SCML2: variants seen among roughly 807,000 people sequenced by gnomAD.
The protein encoded by SCML2 is sex comb on midleg-like protein 2.
SCML2 carries 6 observed loss-of-function variants against 48.4 expected under a neutral mutation model. The observed-to-expected ratio is 0.12, with a 90% CI of 0.07 to 0.24. The LOEUF is 0.24. Among genes scored for constraint, SCML2 ranks in the 10% least tolerant of loss-of-function variants. The pLI, the probability that SCML2 is intolerant of heterozygous loss-of-function variation, is 1.00. For missense variants in SCML2, 377 were observed against 528.2 expected, an observed-to-expected ratio of 0.71 and a Z score of 2.81; for synonymous variants, 181 against 189.5, an observed-to-expected ratio of 0.95 and a Z score of 0.37.
At chrX:18,281,332 T>C (rs1927838581) in intron 7 of SCML2, among the ~76,000 whole-genome samples, 1 of 112,654 alleles carries the variant, frequency 8.9e-6, no homozygotes, top group African/African-American at 3.2e-5. Context: ...TACCGAAATC[T>C]CTGGGATGCT....
At chrX:18,252,013 C>T (rs1431242524) in intron 11 of SCML2, among the ~76,000 whole-genome samples, 1 of 112,629 alleles carries the variant, frequency 8.9e-6, no homozygotes. Flanking sequence ...GTGGCTCACA[C>T]CTGTAATCCC....
intron 10 of SCML2, 35 bp downstream of exon 10, chrX:18,258,000 AAGGGGGAAG>A (rs766447072): frequency 1.2e-6 from 1 of 856,373 alleles, no homozygotes; most frequent in Non-Finnish European, 1.6e-6. Context: ...GGGGGAAGGG[AAGGGGGAAG>A]GGACTGAATT....
chrX:18,322,704 G>A (rs747890259), intron 5 of SCML2, among the ~76,000 whole-genome samples: 2 of 110,874 alleles, frequency 1.8e-5, no homozygotes, highest in East Asian at 2.8e-4. Context: ...GACCAGCCTG[G>A]CCAACATGGT....
chrX:18,345,491 A>C (rs914314461), intron 1 of SCML2, among the ~76,000 whole-genome samples: 1 of 109,783 alleles, frequency 9.1e-6, no homozygotes, highest in African/African-American at 3.3e-5. Context: ...CCCCGGGCTC[A>C]GGTGATCCTC....
At chrX:18,250,131 A>G (rs886340159) in intron 11 of SCML2, among the ~76,000 whole-genome samples, 7 of 111,735 alleles carry the variant, frequency 6.3e-5, no homozygotes, top group African/African-American at 2.3e-4. Context: ...AGACATGCAA[A>G]GAAACAGTAT....
chrX:18,308,035 G>A (rs1928812692), intron 6 of SCML2, among the ~76,000 whole-genome samples: 1 of 105,905 alleles, frequency 9.4e-6, no homozygotes, highest in African/African-American at 3.5e-5. Context: ...CGGAGGTTGC[G>A]GTGAGCCAAG....
chrX:18,316,299 G>GA (rs1414672841), intron 6 of SCML2, among the ~76,000 whole-genome samples: 2 of 111,896 alleles, frequency 1.8e-5, no homozygotes, highest in Non-Finnish European at 3.8e-5. Flanking sequence ...TGAGGCACAG[G>GA]AATCAGTTGA....
At chrX:18,322,968 A>G (rs1406877544) in intron 5 of SCML2, among the ~76,000 whole-genome samples, 1 of 111,810 alleles carries the variant, frequency 8.9e-6, no homozygotes, top group Admixed American at 9.5e-5. Flanking sequence ...ATATATTACT[A>G]AAGAGTGGCT....
intron 1 of SCML2, among the ~76,000 whole-genome samples, chrX:18,342,156 TAAGA>T (rs997850617): frequency 8.9e-6 from 1 of 112,043 alleles, no homozygotes; most frequent in Admixed American, 9.5e-5. Context: ...TTCAGCATTA[TAAGA>T]AAGGCTCAAA....
chrX:18,292,748 T>C (rs1180500233), intron 7 of SCML2, among the ~76,000 whole-genome samples: 1 of 111,713 alleles, frequency 9.0e-6, no homozygotes. Context: ...CTTCCAGATT[T>C]TTTTTACATA....
chrX:18,330,701 T>C lies in SCML2; in HGVS notation c.23-46A>G, dbSNP rs373729955. Reference sequence around the variant, plus strand: ...AATACTGGGAGTCCACAGCAACAGCTTGAAAGAGCACTCAGAAAAATATAA... The same window carrying C: ...AATACTGGGAGTCCACAGCAACAGCCTGAAAGAGCACTCAGAAAAATATAA... On this transcript the variant is annotated intron_variant, in intron 2 of 14. Coordinates refer to ENST00000251900, the MANE Select transcript of SCML2 (RefSeq NM_006089.3). The C allele has an allele frequency of 1.7e-5, 13 of 769,009 alleles. No individual in the cohort carries two copies. In the African/African-American group the frequency reaches 2.1e-4, roughly 13 times the overall value. 63.4% of individuals were successfully genotyped at this position (769,009 alleles called of 1,213,427 possible).
At position 18,324,099 on chromosome X, in the gene SCML2, T is replaced by C. The variant is rs777384837; in HGVS notation, c.163-6A>G. 1.5e-5 allele frequency: 17 copies of C among 1,138,875 alleles called. No homozygotes were observed. The highest frequency in any genetic ancestry group is 1.9e-5 in the South Asian group (1 of 52,067). The allele number at this position is 1,138,875 out of a possible 1,213,427, so 93.9% of individuals were successfully genotyped here. A position where few individuals can be genotyped will look rare whatever the true frequency, so the allele number is the denominator to read the frequency against. On this transcript the variant is annotated splice_polypyrimidine_tract_variant and splice_region_variant and intron_variant, in intron 4 of 14. Coordinates refer to ENST00000251900, the MANE Select transcript of SCML2 (RefSeq NM_006089.3). ...TTCACAGGTGGAATCTGAGACTATA[T>C]ATATAAATAAAATTTGGTTAAAATG...
Position 18,242,973 on chromosome X carries a change from ATC to A in SCML2, c.1823-385_1823-384del, listed in dbSNP as rs759047738. On this transcript the variant is annotated intron_variant, in intron 13 of 14. Coordinates refer to ENST00000251900, the MANE Select transcript of SCML2 (RefSeq NM_006089.3). ...ACTTTAAGTCTTTCAAGGAATTTCA[ATC>A]TCTCTCTATCTGTCTAGACTAGGTA... is the stretch of plus-strand genomic sequence containing the variant. 5.3e-5 allele frequency among the ~76,000 whole-genome samples: 6 copies of A among 112,474 alleles called. No individual in the cohort carries two copies. In the East Asian group the frequency reaches 1.4e-3, roughly 26 times the overall value.
intron 6 of SCML2, among the ~76,000 whole-genome samples, chrX:18,307,230 C>T (rs1023861287): frequency 9.2e-6 from 1 of 109,139 alleles, no homozygotes; most frequent in Non-Finnish European, 1.9e-5. Flanking sequence ...CAGGCCGCGG[C>T]GAGCCGTGTT....
chrX:18,258,146 C>G lies in SCML2; in HGVS notation c.1171G>C (p.Val391Leu). 1 of 1,211,593 alleles carries G rather than the reference C, an allele frequency of 8.3e-7. No individual in the cohort carries two copies. The highest frequency in any genetic ancestry group is 1.1e-6 in the Non-Finnish European group (1 of 895,101). Residue 391 changes from valine (V) to leucine (L), a missense_variant, in exon 10 of 15, where the codon GTG (valine) becomes CTG (leucine). By Grantham distance (32) the Val-to-Leu change is conservative. Around this residue, in one of 3 missense-constraint regions of SCML2, gnomAD observed 299 missense variants for 425.5 expected, o/e 0.70. Coordinates refer to ENST00000251900, the MANE Select transcript of SCML2 (RefSeq NM_006089.3). ...CAGGCCTGCACAATCCGGCGAAGCACCACATTCACCGGGCCCGGGCCGAAG... is the reference window on the plus strand; with the variant it reads ...CAGGCCTGCACAATCCGGCGAAGCAGCACATTCACCGGGCCCGGGCCGAAG... ...DHFGPGPVNV[V>L]LRRIVQACVD...
At chrX:18,323,792 A>G in intron 5 of SCML2, 67 bp downstream of exon 5, 1 of 869,391 alleles carries the variant, frequency 1.2e-6, no homozygotes, top group Non-Finnish European at 1.7e-6. Context: ...TTAAAAGGCC[A>G]CTTAAAGCCA....
At chrX:18,334,209 T>C in intron 1 of SCML2, 114 bp from the exon 2 acceptor site, 2 of 491,514 alleles carry the variant, frequency 4.1e-6, no homozygotes, top group Non-Finnish European at 6.7e-6. Flanking sequence ...ACAAAAATGA[T>C]AAGATTTGTA....
intron 4 of SCML2, 77 bp downstream of exon 4, chrX:18,324,830 G>A: frequency 4.0e-6 from 3 of 755,107 alleles, no homozygotes; most frequent in South Asian, 2.5e-5. Flanking sequence ...CACACTACCA[G>A]AATCTAACAA....
At chrX:18,303,431 C>T (rs920030746) in intron 7 of SCML2, among the ~76,000 whole-genome samples, 2 of 111,716 alleles carry the variant, frequency 1.8e-5, no homozygotes, top group Non-Finnish European at 3.8e-5. Flanking sequence ...CTACTTTTAT[C>T]TCCATTCTGC....
Sources: allele counts gnomAD v4.1 joint callset (sites outside exome capture counted in the v4.1 genomes callset), GRCh38; gene constraint gnomAD v4.1.1; regional missense constraint gnomAD v4.1.1; transcripts MANE v1.5; gene names NCBI Gene and HGNC (gene_info 2026-07-23, HGNC 2026-07-21).